The following CREB5 variants were observed in gnomAD, a reference collection of about 807,000 sequenced individuals.
CREB5 encodes cyclic AMP-responsive element-binding protein 5.
CREB5 carries 19 observed loss-of-function variants against 57.1 expected under a neutral mutation model. The ratio of observed to expected loss-of-function variants is 0.33; its 90% CI spans 0.23 to 0.49. The LOEUF (loss-of-function observed/expected upper bound fraction) is 0.49. Among genes scored for constraint, CREB5 ranks in the 20% least tolerant of loss-of-function variants. The pLI, the probability that CREB5 is intolerant of heterozygous loss-of-function variation, is 0.99. For synonymous variants in CREB5, 238 were observed against 238.3 expected (o/e 1.00, Z 0.01); for missense variants, 579 against 671.6 (o/e 0.86, Z 1.52).
intron 1 of CREB5, among the ~76,000 whole-genome samples, chr7:28,425,352 A>G (rs1483709901): frequency 6.6e-6 from 1 of 152,112 alleles, no homozygotes; most frequent in Non-Finnish European, 1.5e-5. Context: ...AGGACCATAT[A>G]TTATATAATT....
chr7:28,613,055 T>G (rs1373935016), intron 5 of CREB5, among the ~76,000 whole-genome samples: 1 of 152,152 alleles, frequency 6.6e-6, no homozygotes, highest in Non-Finnish European at 1.5e-5. Context: ...ACGTCCACTG[T>G]AGTATGTCCT....
chr7:28,549,033 T>G (rs191180444), intron 4 of CREB5, among the ~76,000 whole-genome samples: 1 of 152,372 alleles, frequency 6.6e-6, no homozygotes, highest in East Asian at 1.9e-4. Flanking sequence ...CATTCTTAAA[T>G]AAGCATAATT....
intron 4 of CREB5, among the ~76,000 whole-genome samples, chr7:28,538,129 C>T (rs1412951472): frequency 6.6e-6 from 1 of 152,196 alleles, no homozygotes; most frequent in Non-Finnish European, 1.5e-5. Context: ...TCTCTGCTCA[C>T]TGCAATCTCT....
At chr7:28,795,186 AC>A (rs1178530386) in intron 7 of CREB5, among the ~76,000 whole-genome samples, 2 of 151,948 alleles carry the variant, frequency 1.3e-5, no homozygotes, top group Non-Finnish European at 2.9e-5. Context: ...AAATCCCCAC[AC>A]CCTTCTGTTA....
At chr7:28,816,046 AAT>A (rs534360867) in intron 9 of CREB5, among the ~76,000 whole-genome samples, 27 of 133,944 alleles carry the variant, frequency 2.0e-4, no homozygotes, top group Non-Finnish European at 4.4e-4. Context: ...TTCTGAAGCA[AAT>A]ATATACGCAC....
At chr7:28,411,997 T>C (rs1787822754), upstream of CREB5, among the ~76,000 whole-genome samples, 1 of 152,252 alleles carries the variant, frequency 6.6e-6, no homozygotes, top group South Asian at 2.1e-4. Context: ...GTGTGATTAA[T>C]GATCAGTGAT....
chr7:28,302,886 A>C (rs1183367833), intron 1 of CREB5, among the ~76,000 whole-genome samples: 1 of 152,208 alleles, frequency 6.6e-6, no homozygotes, highest in East Asian at 1.9e-4. Flanking sequence ...AATTACTATA[A>C]AAATCAAACT....
intron 7 of CREB5, among the ~76,000 whole-genome samples, chr7:28,754,385 G>A (rs1805167242): frequency 6.6e-6 from 1 of 152,174 alleles, no homozygotes; most frequent in South Asian, 2.1e-4. Flanking sequence ...AGTAGCATGT[G>A]GCCAGAACCT....
intron 1 of CREB5, among the ~76,000 whole-genome samples, chr7:28,449,721 GAGGTCGTAACTCA>G (rs1170236012): frequency 6.6e-6 from 1 of 152,206 alleles, no homozygotes; most frequent in East Asian, 1.9e-4. Flanking sequence ...TGGGGGACCT[GAGGTCGTAACTCA>G]AGGGCCTCTC....
chr7:28,639,007 A>G lies in CREB5; in HGVS notation c.464+68470A>G, dbSNP rs561407256. On this transcript the variant is annotated intron_variant, in intron 5 of 10. Coordinates refer to ENST00000357727, the MANE Select transcript of CREB5 (RefSeq NM_182898.4). Reference sequence around the variant, plus strand: ...TTTTAAATATTTGGCTACAATTTAAAAAAGTCTTTTTAATGAAATATATTG... The same window carrying G: ...TTTTAAATATTTGGCTACAATTTAAGAAAGTCTTTTTAATGAAATATATTG... Among the ~76,000 whole-genome samples the G allele has an allele frequency of 2.6e-5, 4 of 152,346 alleles. No individual in the cohort carries two copies. In the South Asian group the frequency reaches 8.3e-4, roughly 32 times the overall value.
rs147750950 is a variant in CREB5, at chr7:28,397,065, A to G, written c.-25+97624A>G. The stretch of plus-strand genomic sequence containing the variant: ...TAACAATGCCTAGCATTAGACGGTT[A>G]AATGATATGTGGAAACTGATTTCTC... On this transcript the variant is annotated intron_variant, in intron 1 of 9. Coordinates refer to the CREB5 transcript ENST00000396299. Among the ~76,000 whole-genome samples the G allele has an allele frequency of 1.4e-3, 218 of 152,336 alleles. 2 individuals carry two copies. Among genetic ancestry groups the G allele is most frequent in the African/African-American group, 5.0e-3 (208 of 41,584 alleles).
chr7:28,572,223 G>A (rs868424795), intron 5 of CREB5, among the ~76,000 whole-genome samples: 1 of 152,196 alleles, frequency 6.6e-6, no homozygotes, highest in African/African-American at 2.4e-5. Flanking sequence ...GTTTGCTGTG[G>A]GTGCGTTTGG....
rs1583450128 is a variant in CREB5 at position 28,427,685 on chromosome 7, C to A, written c.3+14768C>A. 2.0e-5 allele frequency among the ~76,000 whole-genome samples: 3 copies of A among 152,228 alleles called. No homozygotes were observed. The South Asian group carries it at 6.2e-4, about 32-fold the overall frequency. ...CCTTCTCCAGAGACTGACCTGCCTC[C>A]CATGAACTCTGCCCTCCTCCTCACC... On this transcript the variant is annotated intron_variant, in intron 1 of 10. Transcript: ENST00000357727.
At chr7:28,679,492 G>A (rs770951579) in intron 5 of CREB5, among the ~76,000 whole-genome samples, 1 of 152,116 alleles carries the variant, frequency 6.6e-6, no homozygotes, top group Non-Finnish European at 1.5e-5. Flanking sequence ...TAAAAGGGAG[G>A]GGACGAAGAC....
At chr7:28,488,478 G>C (rs1791667580) in intron 2 of CREB5, among the ~76,000 whole-genome samples, 1 of 152,154 alleles carries the variant, frequency 6.6e-6, no homozygotes, top group African/African-American at 2.4e-5. Context: ...AGCAGTGTTA[G>C]GCATTTCTGC....
chr7:28,702,614 G>A (rs538743529), intron 5 of CREB5, among the ~76,000 whole-genome samples: 13 of 152,324 alleles, frequency 8.5e-5, no homozygotes, highest in African/African-American at 3.1e-4. Context: ...ATGGTGAAAG[G>A]AAACCAGAAT....
intron 1 of CREB5, among the ~76,000 whole-genome samples, chr7:28,470,563 T>C (rs2128581982): frequency 6.6e-6 from 1 of 152,292 alleles, no homozygotes; most frequent in Middle Eastern, 3.4e-3. Flanking sequence ...CTTCAATATA[T>C]TGATTTCTTT....
At chr7:28,501,006 T>A (rs1792253097) in intron 3 of CREB5, among the ~76,000 whole-genome samples, 1 of 152,166 alleles carries the variant, frequency 6.6e-6, no homozygotes. Flanking sequence ...TTTACTGCCT[T>A]CCCTTATACC....
chr7:28,681,838 G>C (rs557391511), intron 5 of CREB5, among the ~76,000 whole-genome samples: 1 of 152,324 alleles, frequency 6.6e-6, no homozygotes, highest in East Asian at 1.9e-4. Flanking sequence ...AAATATTCCA[G>C]GAGTGTCAAC....
Sources: allele counts gnomAD v4.1 joint callset (sites outside exome capture counted in the v4.1 genomes callset), GRCh38; gene constraint gnomAD v4.1.1; transcripts MANE v1.5; gene names NCBI Gene and HGNC (gene_info 2026-07-23, HGNC 2026-07-21).